JADE3: variants seen among roughly 807,000 people sequenced by gnomAD.
JADE3 encodes jade family PHD finger 3, also known as protein Jade-3.
A neutral mutation model predicts 50.1 loss-of-function variants in JADE3; 2 were observed. That is an observed-to-expected ratio of 0.04 (90% CI 0.02 to 0.13). The LOEUF (loss-of-function observed/expected upper bound fraction) is 0.13, where lower values mean the gene tolerates loss of function less well. Ranked by LOEUF, JADE3 falls within the 10% of genes least tolerant of loss-of-function variation. The pLI, the probability that JADE3 is intolerant of heterozygous loss-of-function variation, is 1.00. For synonymous variants in JADE3, 218 were observed against 232.9 expected (o/e 0.94, Z 0.58); for missense variants, 475 against 634.4 (o/e 0.75, Z 2.70).
chrX:47,047,711 G>T (rs782763767), intron 8 of JADE3, among the ~76,000 whole-genome samples: 1 of 111,459 alleles, frequency 9.0e-6, no homozygotes, highest in South Asian at 3.8e-4. Flanking sequence ...AAAAAGTTTG[G>T]CAGCTCCTCA....
rs1569533455 is a variant in JADE3 at position 46,912,524 on chromosome X, AGGGCGGGAGCTGAGGCGCGGG to A, written c.-200_-180del. ...TGACGGGCCGGGCGGACGAGGGCCG[AGGGCGGGAGCTGAGGCGCGGG>A]GGGCGGCCCCGGCGGGGGGCGGGGG... On this transcript the variant is annotated 5_prime_UTR_variant, in exon 1 of 11. Coordinates refer to ENST00000614628, the MANE Select transcript of JADE3 (RefSeq NM_014735.5). The A allele has an allele frequency of 1.8e-5, 2 of 110,202 alleles. No individual in the cohort carries two copies. Among genetic ancestry groups the A allele is most frequent in the Non-Finnish European group, 3.8e-5 (2 of 52,454 alleles). 9.1% of individuals were successfully genotyped at this position (110,202 alleles called of 1,213,427 possible). A position where few individuals can be genotyped will look rare whatever the true frequency, so the allele number is the denominator to read the frequency against.
chrX:46,947,341 C>T (rs782008401), intron 1 of JADE3, among the ~76,000 whole-genome samples: 6 of 111,352 alleles, frequency 5.4e-5, no homozygotes, highest in Non-Finnish European at 7.5e-5. Flanking sequence ...TCTGAAACTG[C>T]GGTGTTCTTG....
intron 8 of JADE3, among the ~76,000 whole-genome samples, chrX:47,040,407 G>A (rs1368381323): frequency 1.8e-5 from 2 of 111,453 alleles, no homozygotes; most frequent in East Asian, 2.8e-4. Flanking sequence ...AGTGTGAACC[G>A]TGTTGTGAAC....
At chrX:46,967,757 C>CT (rs1556349331) in intron 1 of JADE3, among the ~76,000 whole-genome samples, 1 of 112,091 alleles carries the variant, frequency 8.9e-6, no homozygotes, top group African/African-American at 3.2e-5. Context: ...CTCATCATTG[C>CT]TTTTACAGAA....
intron 1 of JADE3, among the ~76,000 whole-genome samples, chrX:46,946,655 A>T (rs1429022557): frequency 8.9e-6 from 1 of 112,206 alleles, no homozygotes; most frequent in Admixed American, 9.4e-5. Context: ...TTGCATTTTC[A>T]TATGATGGAG....
At chrX:46,995,821 T>G (rs1227376229) in intron 3 of JADE3, among the ~76,000 whole-genome samples, 1 of 111,688 alleles carries the variant, frequency 9.0e-6, no homozygotes, top group African/African-American at 3.3e-5. Flanking sequence ...TCTCACACTC[T>G]GCCTTAAGTA....
At chrX:47,004,905 T>C (rs1329940376) in intron 4 of JADE3, among the ~76,000 whole-genome samples, 1 of 112,520 alleles carries the variant, frequency 8.9e-6, no homozygotes, top group Non-Finnish European at 1.9e-5. Flanking sequence ...AATTCAATCT[T>C]GGCTAGACTT....
chrX:47,045,524 T>A (rs1479954609), intron 8 of JADE3, among the ~76,000 whole-genome samples: 1 of 112,787 alleles, frequency 8.9e-6, no homozygotes, highest in Non-Finnish European at 1.9e-5. Flanking sequence ...TCAGACTTAA[T>A]CTGTACTGTA....
intron 6 of JADE3, among the ~76,000 whole-genome samples, chrX:47,032,527 C>T (rs192827966): frequency 4.0e-4 from 44 of 110,117 alleles, no homozygotes; most frequent in Non-Finnish European, 7.2e-4. Context: ...GGGTTGAAGG[C>T]GTGCAGGGGG....
At position 47,059,321 on chromosome X, in the gene JADE3, G is replaced by C; in HGVS notation, c.*244G>C. The C allele has an allele frequency of 8.9e-6, 3 of 335,874 alleles. No homozygotes were observed. The highest frequency in any genetic ancestry group is 1.5e-5 in the Non-Finnish European group (3 of 195,060). The allele number at this position is 335,874 out of a possible 1,213,427, so 27.7% of individuals were successfully genotyped here. ...AGGCTATTGGGAACAGCTGGGCCCA[G>C]GGTATTTGCTCAGTAAATATTTTGG... On this transcript the variant is annotated 3_prime_UTR_variant, in exon 11 of 11. Coordinates refer to ENST00000614628, the MANE Select transcript of JADE3 (RefSeq NM_014735.5).
chrX:47,023,877 C>T (rs1160928673), intron 4 of JADE3, among the ~76,000 whole-genome samples: 1 of 112,021 alleles, frequency 8.9e-6, no homozygotes, highest in Non-Finnish European at 1.9e-5. Flanking sequence ...CTGCACTCTA[C>T]CCTGGGCAAC....
At chrX:46,981,345 A>AT (rs1455801284) in intron 1 of JADE3, among the ~76,000 whole-genome samples, 1 of 112,426 alleles carries the variant, frequency 8.9e-6, no homozygotes, top group Non-Finnish European at 1.9e-5. Flanking sequence ...CATCCCCATG[A>AT]TATCAGATAA....
At chrX:47,007,805 TTTTGTGTGTGTGTGTGTGTGTGTG>T (rs1280090080) in intron 4 of JADE3, among the ~76,000 whole-genome samples, 4 of 79,842 alleles carry the variant, frequency 5.0e-5, no homozygotes, top group Admixed American at 2.8e-4. Context: ...TGTCCTTTTA[TTTTGTGTGTGTGTGTGTGTGTGTG>T]TGTGTGTGTG....
At chrX:46,915,272 A>G (rs1191303675) in intron 1 of JADE3, among the ~76,000 whole-genome samples, 1 of 111,999 alleles carries the variant, frequency 8.9e-6, no homozygotes, top group Non-Finnish European at 1.9e-5. Context: ...AGGGGACATA[A>G]TGCACCTACC....
At chrX:47,052,005 G>T (rs782163592) in intron 8 of JADE3, among the ~76,000 whole-genome samples, 1 of 104,887 alleles carries the variant, frequency 9.5e-6, no homozygotes, top group South Asian at 4.2e-4. Flanking sequence ...AAGGTGGGAG[G>T]ATCACTTGAG....
At chrX:47,026,108 A>G (rs1346685608) in intron 5 of JADE3, among the ~76,000 whole-genome samples, 1 of 111,469 alleles carries the variant, frequency 9.0e-6, no homozygotes, top group Non-Finnish European at 1.9e-5. Flanking sequence ...AGGGAATGAA[A>G]GACTGACAGA....
chrX:46,931,687 G>A (rs1926498537), intron 1 of JADE3, among the ~76,000 whole-genome samples: 1 of 111,533 alleles, frequency 9.0e-6, no homozygotes, highest in Admixed American at 9.6e-5. Flanking sequence ...GCCTCCCAAA[G>A]TGCTGCGATT....
At position 47,039,168 on chromosome X, in the gene JADE3, G is replaced by A. The variant is rs1467645856; in HGVS notation, c.972+103G>A. On this transcript the variant is annotated intron_variant, in intron 8 of 10. Transcript: ENST00000614628. ...CGACTGAAAGGTCACTCAGGAGATC[G>A]CCCACCCACTCTTAGGGCTCTGCCA... is the stretch of plus-strand genomic sequence containing the variant. The A allele has an allele frequency of 1.8e-5, 8 of 454,252 alleles. No individual in the cohort carries two copies. In the South Asian group the frequency reaches 1.8e-4, roughly 10 times the overall value. 37.4% of individuals were successfully genotyped at this position (454,252 alleles called of 1,213,427 possible).
intron 8 of JADE3, among the ~76,000 whole-genome samples, chrX:47,051,040 G>A (rs1043289455): frequency 3.6e-5 from 4 of 110,875 alleles, no homozygotes; most frequent in African/African-American, 9.9e-5. Context: ...GTTAAAAGCC[G>A]GGGTGGACCA....
Sources: gnomAD v4.1 joint callset for allele counts (sites outside exome capture counted in the v4.1 genomes callset) on GRCh38, gnomAD v4.1.1 for gene constraint, MANE v1.5 for transcripts, NCBI Gene and HGNC (gene_info 2026-07-23, HGNC 2026-07-21) for gene names.